MAD2L1BP: variants seen among roughly 807,000 people sequenced by gnomAD.
The protein encoded by MAD2L1BP is MAD2L1 binding protein.
MAD2L1BP carries 22 observed loss-of-function variants against 28.4 expected under a neutral mutation model. The ratio of observed to expected loss-of-function variants is 0.77; its 90% CI spans 0.55 to 1.10. The LOEUF (loss-of-function observed/expected upper bound fraction) is 1.10. Ranked by LOEUF, MAD2L1BP falls within the 50% of genes least tolerant of loss-of-function variation. The probability of loss-of-function intolerance (pLI) is 0.00; values close to 1 mark genes in which losing one functional copy is unlikely to be tolerated. For missense variants in MAD2L1BP, 325 were observed against 350.5 expected (o/e 0.93, Z 0.58); for synonymous variants, 146 against 133.7 (o/e 1.09, Z -0.63).
chr6:43,637,012 G>A (rs1770265724), intron 2 of MAD2L1BP: 1 of 174,036 alleles, frequency 5.7e-6, no homozygotes, highest in African/African-American at 2.4e-5. Context: ...CGAGTAGCTA[G>A]GATTACAGGC....
chr6:43,639,611 T>G (rs887497454), intron 2 of MAD2L1BP, among the ~76,000 whole-genome samples: 14 of 152,206 alleles, frequency 9.2e-5, no homozygotes, highest in African/African-American at 3.1e-4. Context: ...GAAGTGCAAA[T>G]AAGCATGTGT....
exon 1 of MAD2L1BP, chr6:43,629,549 T>C (rs573356000): frequency 1.5e-6 from 1 of 651,078 alleles, no homozygotes; most frequent in East Asian, 2.7e-5. Flanking sequence ...GGGGGGAATT[T>C]AGAGCCTCGA....
At chr6:43,634,726 A>G (rs1770106605), upstream of MAD2L1BP, among the ~76,000 whole-genome samples, 1 of 151,988 alleles carries the variant, frequency 6.6e-6, no homozygotes, top group Non-Finnish European at 1.5e-5. Context: ...ATGTCTGGCT[A>G]AATTTTGTAT....
chr6:43,631,962 C>T (rs1487107638), upstream of MAD2L1BP, among the ~76,000 whole-genome samples: 2 of 152,014 alleles, frequency 1.3e-5, no homozygotes, highest in African/African-American at 4.8e-5. Context: ...TGCAATGGCG[C>T]GATCTTGGCT....
In MAD2L1BP at chr6:43,640,036, A is replaced by T. The variant is rs753175315; in HGVS notation, c.328A>T (p.Lys110Ter). Residue 110 changes from lysine (K) to a stop codon, truncating the protein, a stop_gained, in exon 3 of 3, where the codon AAG (lysine) becomes TAG (stop). Transcript: ENST00000372171. LOFTEE classifies it high-confidence loss of function. The part of the protein sequence containing the change: ...KPSPQAEEML[K>*]KKPRATTEVS... ...GTCCTCACAGGCAGAGGAGATGCTG[A>T]AGAAGAAACCTCGGGCCACCACTGA... 3 of 1,527,832 alleles carry T rather than the reference A, an allele frequency of 2.0e-6. No homozygotes were observed. The highest frequency in any genetic ancestry group is 2.6e-6 in the Non-Finnish European group (3 of 1,134,204). The allele number at this position is 1,527,832 out of a possible 1,614,324, so 94.6% of individuals were successfully genotyped here.
chr6:43,636,443 A>G lies in MAD2L1BP; in HGVS notation c.109A>G (p.Ser37Gly), dbSNP rs770277022. Residue 37 changes from serine to glycine, a missense_variant, in exon 2 of 3, where the codon AGC (serine) becomes GGC (glycine). By Grantham distance (56) the Ser-to-Gly change is moderately conservative (BLOSUM62 0). Coordinates refer to ENST00000372171, the MANE Select transcript of MAD2L1BP (RefSeq NM_014628.3). ...HASQIELLET[S>G]STQEPLNASE... ...CTCCCAGATAGAACTACTTGAGACAAGCTCTACGCAGGAACCTCTCAACGC... is the reference window on the plus strand; with the variant it reads ...CTCCCAGATAGAACTACTTGAGACAGGCTCTACGCAGGAACCTCTCAACGC... The G allele has an allele frequency of 6.2e-7, 1 of 1,614,146 alleles. No individual in the cohort carries two copies. The highest frequency in any genetic ancestry group is 1.7e-5 in the Admixed American group (1 of 60,022).
chr6:43,629,839 T>A (rs1183328516), intron 1 of MAD2L1BP: 11 of 1,510,640 alleles, frequency 7.3e-6, no homozygotes, highest in South Asian at 2.4e-5. Flanking sequence ...ATTGTTGGGA[T>A]GATTATGCTA....
intron 1 of MAD2L1BP, 128 bp from the exon 2 acceptor site, chr6:43,636,253 A>G: frequency 1.2e-6 from 1 of 846,712 alleles, no homozygotes; most frequent in Non-Finnish European, 1.8e-6. Flanking sequence ...TAGGCTGCGG[A>G]GGATATGGGC....
At chr6:43,631,257 G>A (rs1298019075), upstream of MAD2L1BP, among the ~76,000 whole-genome samples, 4 of 152,194 alleles carry the variant, frequency 2.6e-5, no homozygotes, top group East Asian at 1.9e-4. Flanking sequence ...AGGTTATGCC[G>A]TAGAGGTCAA....
intron 1 of MAD2L1BP, among the ~76,000 whole-genome samples, chr6:43,630,603 C>T (rs925806430): frequency 2.7e-4 from 41 of 152,026 alleles, no homozygotes; most frequent in African/African-American, 9.9e-4. Flanking sequence ...ATTAGCTGGG[C>T]GTGGTGGCGC....
upstream of MAD2L1BP, chr6:43,635,787 A>G (rs1770172272): frequency 7.4e-7 from 1 of 1,353,020 alleles, no homozygotes; most frequent in Non-Finnish European, 9.7e-7. Context: ...TTTCCGACCC[A>G]ACTGAGCCGG....
At position 43,640,648 on chromosome 6, in the gene MAD2L1BP, T is replaced by G. The variant is rs1561932392; in HGVS notation, c.*115T>G. 1 of 1,200,390 alleles carries G rather than the reference T, an allele frequency of 8.3e-7. No individual in the cohort carries two copies. The highest frequency in any genetic ancestry group is 1.5e-5 in the African/African-American group (1 of 64,788). 74.4% of individuals were successfully genotyped at this position (1,200,390 alleles called of 1,614,324 possible). On this transcript the variant is annotated 3_prime_UTR_variant, in exon 3 of 3. Transcript: ENST00000372171. ...GCTTCCTGGTGAGAGAGGAAGCAAC[T>G]CTCCTTCTGGTTGTCTGCCTCCCCT...
upstream of MAD2L1BP, among the ~76,000 whole-genome samples, chr6:43,634,769 C>G (rs1022075684): frequency 3.9e-5 from 6 of 152,124 alleles, no homozygotes; most frequent in Admixed American, 1.3e-4. Flanking sequence ...CCATGTTGGC[C>G]AGGCTGGTCT....
chr6:43,633,267 G>C (rs1770029864), upstream of MAD2L1BP: 2 of 403,454 alleles, frequency 5.0e-6, no homozygotes, highest in Non-Finnish European at 9.6e-6. Context: ...CCGCCTCCCA[G>C]GTTCAAGGGA....
rs756610924 is a variant in MAD2L1BP at position 43,636,493 on chromosome 6, C to G, written c.159C>G (p.Asp53Glu). Residue 53 changes from aspartate (D) to glutamate (E), a missense_variant, in exon 2 of 3, where the codon GAC (aspartate) becomes GAG (glutamate). Asp to Glu is a conservative substitution (Grantham distance 45). Transcript: ENST00000372171. ...LNASEAFCPR[D>E]CMVPVVFPGP... ...CTTCGGAGGCCTTTTGCCCAAGAGA[C>G]TGCATGGTACCAGTGGTGTTTCCTG... 4 of 1,614,116 alleles carry G rather than the reference C, an allele frequency of 2.5e-6. No homozygotes were observed. The African/African-American group carries it at 5.3e-5, about 22-fold the overall frequency.
In MAD2L1BP at chr6:43,640,156, G is replaced by C. The variant is rs1053904832; in HGVS notation, c.448G>C (p.Val150Leu). ...CTTTGCACGGACACTAGTACCGCGA[G>C]TGCTGATTCTCCTTGGGGGCAATGC... ...DFFARTLVPR[V>L]LILLGGNALS... Residue 150 changes from valine (V) to leucine (L), a missense_variant, in exon 3 of 3, where the codon GTG (valine) becomes CTG (leucine). Transcript: ENST00000372171. 3 of 1,613,006 alleles carry C rather than the reference G, an allele frequency of 1.9e-6. No homozygotes were observed. Among genetic ancestry groups the C allele is most frequent in the Non-Finnish European group, 2.5e-6 (3 of 1,179,318 alleles).
At chr6:43,637,800 T>A (rs1269749322) in intron 2 of MAD2L1BP, among the ~76,000 whole-genome samples, 1 of 152,050 alleles carries the variant, frequency 6.6e-6, no homozygotes, top group Non-Finnish European at 1.5e-5. Flanking sequence ...GGTTTCACCA[T>A]GTTGGCCAGG....
At chr6:43,636,909 GC>G (rs1770258451) in intron 2 of MAD2L1BP, 1 of 451,492 alleles carries the variant, frequency 2.2e-6, no homozygotes, top group Non-Finnish European at 4.0e-6. Context: ...ACAGAGTCTT[GC>G]TCTGTTGCCC....
chr6:43,634,000 C>A (rs1335365941), upstream of MAD2L1BP, among the ~76,000 whole-genome samples: 1 of 152,210 alleles, frequency 6.6e-6, no homozygotes, highest in Non-Finnish European at 1.5e-5. Context: ...CTACACCCTC[C>A]CTGGGTGATC....
Sources: allele counts gnomAD v4.1 joint callset (sites outside exome capture counted in the v4.1 genomes callset), GRCh38; gene constraint gnomAD v4.1.1; transcripts MANE v1.5; gene names NCBI Gene and HGNC (gene_info 2026-07-23, HGNC 2026-07-21).